Variants in TUSC3 observed in about 807,000 individuals in gnomAD.
TUSC3 encodes the protein dolichyl-diphosphooligosaccharide--protein glycosyltransferase subunit TUSC3.
TUSC3 carries 45 observed loss-of-function variants against 44.8 expected under a neutral mutation model. The observed-to-expected ratio is 1.00, with a 90% CI of 0.79 to 1.29. The LOEUF (loss-of-function observed/expected upper bound fraction) is 1.29. Ranked by LOEUF, TUSC3 falls within the 50% of genes most tolerant of loss-of-function variation. The pLI, the probability that TUSC3 is intolerant of heterozygous loss-of-function variation, is 0.00. For synonymous variants in TUSC3, 212 were observed against 152.9 expected, an observed-to-expected ratio of 1.39 and a Z score of -2.85; for missense variants, 519 against 437.9, an observed-to-expected ratio of 1.19 and a Z score of -1.65.
chr8:15,810,157 C>T, the TUSC3 span, among the ~76,000 whole-genome samples: 1 of 152,124 alleles, frequency 6.6e-6, no homozygotes, highest in Non-Finnish European at 1.5e-5. Context: ...AACGTAAATT[C>T]TCAGGTCCCA....
chr8:15,757,687 A>T, intron 9 of TUSC3, 104 bp from the exon 10 acceptor site: 1 of 1,405,614 alleles, frequency 7.1e-7, no homozygotes, highest in Non-Finnish European at 1.0e-6. Flanking sequence ...TATCTAGATA[A>T]AGAATGTAGT....
At chr8:15,509,598 A>C (rs1028820672) in intron 2 of TUSC3, among the ~76,000 whole-genome samples, 1 of 152,124 alleles carries the variant, frequency 6.6e-6, no homozygotes, top group African/African-American at 2.4e-5. Flanking sequence ...ACAGAGTGAG[A>C]CACCATCTCA....
the TUSC3 span, among the ~76,000 whole-genome samples, chr8:15,811,387 C>T: frequency 6.6e-6 from 1 of 152,162 alleles, no homozygotes; most frequent in East Asian, 1.9e-4. Flanking sequence ...AATTCCTTCA[C>T]GATCATAAGA....
At chr8:15,529,451 A>C (rs951517664) in intron 2 of TUSC3, among the ~76,000 whole-genome samples, 4 of 152,198 alleles carry the variant, frequency 2.6e-5, no homozygotes, top group African/African-American at 4.8e-5. Context: ...TTACATAGAC[A>C]TAGCAATTTG....
rs972302267 is a variant in TUSC3, at chr8:15,711,559, A to G, written c.799-19107A>G. ...ATATATATTTGTTTAAATCGCATTA[A>G]TGCCTTAAGCATTAAGATTCTTAAC... On this transcript the variant is annotated intron_variant, in intron 6 of 10. Coordinates refer to ENST00000503731, the MANE Select transcript of TUSC3 (RefSeq NM_006765.4). Among the ~76,000 whole-genome samples, 4 of 150,558 alleles carry G rather than the reference A, an allele frequency of 2.7e-5. No homozygotes were observed. In the East Asian group the frequency reaches 7.8e-4, roughly 29 times the overall value.
the TUSC3 span, among the ~76,000 whole-genome samples, chr8:15,842,653 T>C: frequency 2.0e-5 from 3 of 152,150 alleles, no homozygotes; most frequent in African/African-American, 7.2e-5. Flanking sequence ...TCAGAGCTTA[T>C]GTAGGAGCTA....
intron 1 of TUSC3, among the ~76,000 whole-genome samples, chr8:15,444,351 A>T (rs1800063727): frequency 6.6e-6 from 1 of 152,148 alleles, no homozygotes; most frequent in Non-Finnish European, 1.5e-5. Context: ...GGGGTTACAG[A>T]CTGGACTCAA....
intron 1 of TUSC3, among the ~76,000 whole-genome samples, chr8:15,479,920 AG>A (rs1283236321): frequency 6.6e-6 from 1 of 152,228 alleles, no homozygotes; most frequent in Non-Finnish European, 1.5e-5. Context: ...TCAGCCTAAA[AG>A]CTTCTAAAGC....
chr8:15,845,626 C>A, the TUSC3 span, among the ~76,000 whole-genome samples: 1 of 152,160 alleles, frequency 6.6e-6, no homozygotes. Context: ...CCTGAAACAA[C>A]TGACCCTTTT....
intron 1 of TUSC3, among the ~76,000 whole-genome samples, chr8:15,594,509 T>C (rs1803984780): frequency 6.6e-6 from 1 of 152,198 alleles, no homozygotes; most frequent in African/African-American, 2.4e-5. Flanking sequence ...GTGACTATCA[T>C]TGAGGTTTGT....
intron 1 of TUSC3, among the ~76,000 whole-genome samples, chr8:15,445,333 A>G (rs954456544): frequency 6.7e-5 from 10 of 149,906 alleles, no homozygotes; most frequent in African/African-American, 2.4e-4. Context: ...TTTTTTTAGT[A>G]TTTATTGATC....
the TUSC3 span, among the ~76,000 whole-genome samples, chr8:15,829,995 G>A: frequency 5.9e-5 from 9 of 152,146 alleles, no homozygotes; most frequent in South Asian, 4.1e-4. Context: ...ATTCTGGCTG[G>A]TGTGAGATGG....
At chr8:15,766,701 A>G (rs1476237155), downstream of TUSC3, 2 of 152,096 alleles carry the variant, frequency 1.3e-5, no homozygotes, top group Non-Finnish European at 1.5e-5. Flanking sequence ...TCCCTTGTCA[A>G]TTACAATTCA....
At chr8:15,520,137 A>T (rs577218900) in intron 2 of TUSC3, among the ~76,000 whole-genome samples, 1 of 152,264 alleles carries the variant, frequency 6.6e-6, no homozygotes, top group Admixed American at 6.5e-5. Flanking sequence ...TAGTCACACA[A>T]TCTCTTTGTC....
intron 6 of TUSC3, among the ~76,000 whole-genome samples, chr8:15,700,487 T>A (rs1446599262): frequency 6.6e-6 from 1 of 152,054 alleles, no homozygotes; most frequent in Non-Finnish European, 1.5e-5. Context: ...CTGGATATTG[T>A]AGGAAAAAAA....
At chr8:15,569,559 A>G (rs564796624) in intron 1 of TUSC3, among the ~76,000 whole-genome samples, 1 of 152,272 alleles carries the variant, frequency 6.6e-6, no homozygotes, top group African/African-American at 2.4e-5. Flanking sequence ...AAGGAGCGTG[A>G]GTAAATAATT....
At chr8:15,630,133 G>A (rs963153276) in intron 2 of TUSC3, among the ~76,000 whole-genome samples, 5 of 152,170 alleles carry the variant, frequency 3.3e-5, no homozygotes, top group South Asian at 2.1e-4. Context: ...ATCTAAGTAC[G>A]AAATATCCTC....
the TUSC3 span, chr8:15,806,390 C>T: frequency 2.4e-5 from 18 of 738,860 alleles, no homozygotes; most frequent in African/African-American, 5.2e-5. Context: ...CCTCCTTCTT[C>T]GCTGCTTCTG....
chr8:15,448,119 ATT>A (rs1800133434), intron 1 of TUSC3, among the ~76,000 whole-genome samples: 2 of 136,080 alleles, frequency 1.5e-5, no homozygotes, highest in East Asian at 2.0e-4. Flanking sequence ...ATATATATAT[ATT>A]TATTTATTTA....
Sources: gnomAD v4.1 joint callset for allele counts (sites outside exome capture counted in the v4.1 genomes callset) on GRCh38, gnomAD v4.1.1 for gene constraint, MANE v1.5 for transcripts, NCBI Gene and HGNC (gene_info 2026-07-23, HGNC 2026-07-21) for gene names.